Variants in ADGRL3 observed in about 807,000 individuals in gnomAD.
The protein encoded by ADGRL3 is adhesion G protein-coupled receptor L3.
In ADGRL3, 62 loss-of-function variants were observed where a neutral mutation model predicts 153.5. That is an observed-to-expected ratio of 0.40 (90% CI 0.33 to 0.50). The LOEUF is 0.50. ADGRL3 is among the 20% of genes least tolerant of loss of function. The pLI is 0.47. For synonymous variants in ADGRL3, 710 were observed against 672.5 expected (o/e 1.06, Z -0.86); for missense variants, 1,641 against 1,859.4 (o/e 0.88, Z 2.16).
chr4:61,396,389 C>T (rs1339813770), intron 2 of ADGRL3, among the ~76,000 whole-genome samples: 1 of 151,050 alleles, frequency 6.6e-6, no homozygotes, highest in South Asian at 2.1e-4. Flanking sequence ...TTGATAATGC[C>T]ATAAATCAGA....
chr4:62,000,479 T>A (rs1051506390), intron 21 of ADGRL3, among the ~76,000 whole-genome samples: 4 of 152,040 alleles, frequency 2.6e-5, no homozygotes, highest in African/African-American at 9.7e-5. Context: ...ATAATTATAT[T>A]TAGTGGCATT....
At chr4:61,511,507 A>C (rs2098463526) in intron 3 of ADGRL3, among the ~76,000 whole-genome samples, 2 of 152,166 alleles carry the variant, frequency 1.3e-5, no homozygotes, top group African/African-American at 4.8e-5. Context: ...TTGTTAGCAA[A>C]GAGAGATTAT....
At chr4:61,453,281 G>T (rs1282661444) in intron 2 of ADGRL3, among the ~76,000 whole-genome samples, 1 of 152,108 alleles carries the variant, frequency 6.6e-6, no homozygotes, top group Non-Finnish European at 1.5e-5. Flanking sequence ...AAGTGATCTG[G>T]GAGAGGAAGA....
chr4:61,523,775 A>G (rs1421893596), intron 4 of ADGRL3, among the ~76,000 whole-genome samples: 1 of 152,144 alleles, frequency 6.6e-6, no homozygotes, highest in East Asian at 1.9e-4. Context: ...GTATTTCCAG[A>G]ATAGTATAAG....
At chr4:61,548,054 A>G (rs182430761) in intron 4 of ADGRL3, among the ~76,000 whole-genome samples, 283 of 151,984 alleles carry the variant, frequency 1.9e-3, no homozygotes, top group Admixed American at 3.1e-3. Context: ...GTATTTTTTC[A>G]TATGCTTGTT....
intron 3 of ADGRL3, among the ~76,000 whole-genome samples, chr4:61,499,516 C>T (rs1009637703): frequency 6.6e-6 from 1 of 151,936 alleles, no homozygotes; most frequent in African/African-American, 2.4e-5. Flanking sequence ...ATAAAAATTC[C>T]TCCCTTATAA....
chr4:61,640,396 C>T (rs941009015), intron 5 of ADGRL3, among the ~76,000 whole-genome samples: 6 of 152,086 alleles, frequency 3.9e-5, no homozygotes, highest in East Asian at 3.9e-4. Context: ...CCCAAAGATC[C>T]CTGTTTACAT....
At chr4:61,686,811 T>C (rs1227909325) in intron 6 of ADGRL3, among the ~76,000 whole-genome samples, 1 of 152,008 alleles carries the variant, frequency 6.6e-6, no homozygotes, top group Non-Finnish European at 1.5e-5. Flanking sequence ...CTCCTCCCCA[T>C]CTTCCAGCCT....
intron 6 of ADGRL3, among the ~76,000 whole-genome samples, chr4:61,728,041 A>G (rs1477202261): frequency 6.6e-6 from 1 of 152,110 alleles, no homozygotes; most frequent in Non-Finnish European, 1.5e-5. Flanking sequence ...ATAGGTAATG[A>G]CTGGCCAATC....
intron 9 of ADGRL3, among the ~76,000 whole-genome samples, chr4:61,887,223 G>T (rs1462408638): frequency 1.3e-5 from 2 of 151,712 alleles, no homozygotes; most frequent in Admixed American, 1.3e-4. Context: ...TTTAGAAGAT[G>T]CCCATCCCAA....
intron 1 of ADGRL3, among the ~76,000 whole-genome samples, chr4:61,243,528 T>TGA (rs1404162122): frequency 2.0e-5 from 3 of 152,024 alleles, no homozygotes; most frequent in East Asian, 3.9e-4. Context: ...GGTTTCTGCA[T>TGA]GAGAGAGAGA....
intron 25 of ADGRL3, among the ~76,000 whole-genome samples, chr4:62,060,411 C>G (rs1739427296): frequency 6.6e-6 from 1 of 151,622 alleles, no homozygotes. Flanking sequence ...ACATTTTGCT[C>G]TTTTTTTAAT....
chr4:62,009,418 A>G (rs1195345360), intron 21 of ADGRL3, among the ~76,000 whole-genome samples: 1 of 152,074 alleles, frequency 6.6e-6, no homozygotes, highest in Non-Finnish European at 1.5e-5. Flanking sequence ...GTTATATATT[A>G]TAAAATTTTA....
intron 8 of ADGRL3, among the ~76,000 whole-genome samples, chr4:61,784,624 C>T (rs2097255960): frequency 1.3e-5 from 2 of 151,930 alleles, no homozygotes; most frequent in Non-Finnish European, 2.9e-5. Flanking sequence ...ATAATGACAC[C>T]TAGAACAAAG....
intron 1 of ADGRL3, among the ~76,000 whole-genome samples, chr4:61,377,123 T>TA (rs2096612712): frequency 6.6e-6 from 1 of 152,018 alleles, no homozygotes; most frequent in African/African-American, 2.4e-5. Context: ...TTCTTTTGCC[T>TA]TTACCTTCCC....
intron 4 of ADGRL3, among the ~76,000 whole-genome samples, chr4:61,553,280 T>C (rs1469987441): frequency 6.6e-6 from 1 of 152,164 alleles, no homozygotes; most frequent in Non-Finnish European, 1.5e-5. Context: ...AGCATTTCTA[T>C]TCAACGTAAG....
chr4:61,807,983 G>C (rs576189897), intron 8 of ADGRL3, among the ~76,000 whole-genome samples: 1 of 152,192 alleles, frequency 6.6e-6, no homozygotes, highest in Non-Finnish European at 1.5e-5. Context: ...TCTCACTCCT[G>C]TGATCTGTAG....
chr4:61,407,087 G>C (rs1441970552), intron 2 of ADGRL3, among the ~76,000 whole-genome samples: 1 of 152,018 alleles, frequency 6.6e-6, no homozygotes, highest in Non-Finnish European at 1.5e-5. Context: ...TAATTCAGCA[G>C]GATGTCTGTA....
Position 61,949,588 on chromosome 4 carries a change from G to A in ADGRL3, c.2805+1312G>A, listed in dbSNP as rs528691454. The stretch of plus-strand genomic sequence containing the variant: ...TGCATGCTTGTAATCCCAGCTACTC[G>A]GGAGGCTGAGGCAGGAGGATCACTT... On this transcript the variant is annotated intron_variant, in intron 17 of 26. Coordinates refer to ENST00000683033, the MANE Select transcript of ADGRL3 (RefSeq NM_001387552.1). Among the ~76,000 whole-genome samples the A allele has an allele frequency of 7.2e-5, 11 of 151,968 alleles. No homozygotes were observed. The South Asian group carries it at 1.7e-3, about 23-fold the overall frequency.
Sources: allele counts gnomAD v4.1 joint callset (sites outside exome capture counted in the v4.1 genomes callset), GRCh38; gene constraint gnomAD v4.1.1; transcripts MANE v1.5; gene names NCBI Gene and HGNC (gene_info 2026-07-23, HGNC 2026-07-21).